The following MYLK variants were observed in gnomAD, a reference collection of about 807,000 sequenced individuals.
MYLK encodes the protein myosin light chain kinase.
In MYLK, 106 loss-of-function variants were observed where a neutral mutation model predicts 203.4. The observed-to-expected ratio is 0.52, with a 90% confidence interval of 0.45 to 0.61. MYLK has a LOEUF of 0.61. MYLK is among the 20% of genes least tolerant of loss of function. The pLI, the probability that MYLK is intolerant of heterozygous loss-of-function variation, is 0.00. For synonymous variants in MYLK, 867 were observed against 959.5 expected, an observed-to-expected ratio of 0.90 and a Z score of 1.78; for missense variants, 2,072 against 2,442.3, an observed-to-expected ratio of 0.85 and a Z score of 3.20.
intron 4 of MYLK, among the ~76,000 whole-genome samples, chr3:123,770,468 A>G (rs551063320): frequency 1.5e-4 from 23 of 152,336 alleles, no homozygotes; most frequent in African/African-American, 5.1e-4. Flanking sequence ...TTTAAACATT[A>G]TTTAACCTTA....
rs544004617 is a variant in MYLK at position 123,751,979 on chromosome 3, T to C, written c.373+352A>G. On this transcript the variant is annotated intron_variant, in intron 5 of 33. Transcript: ENST00000360304. ...GTGTGACCACGGTGGGCTGAACAGGTGCAGAGTGGCAGAAGATGGGTCTGA... is the reference window on the plus strand; with the variant it reads ...GTGTGACCACGGTGGGCTGAACAGGCGCAGAGTGGCAGAAGATGGGTCTGA... Among the ~76,000 whole-genome samples the C allele has an allele frequency of 1.2e-4, 18 of 151,802 alleles. No individual in the cohort carries two copies. The South Asian group carries it at 3.5e-3, about 30-fold the overall frequency.
chr3:123,623,934 TAA>T (rs2058003694), intron 31 of MYLK: 1 of 152,192 alleles, frequency 6.6e-6, no homozygotes, highest in Admixed American at 6.5e-5. Flanking sequence ...CCATCTATAC[TAA>T]AATATAAAAT....
intron 20 of MYLK, among the ~76,000 whole-genome samples, chr3:123,669,913 T>C (rs1214572450): frequency 6.6e-6 from 1 of 150,834 alleles, no homozygotes; most frequent in Non-Finnish European, 1.5e-5. Context: ...TGTGCGCCTG[T>C]AATCCCAGCT....
At chr3:123,709,940 T>G in intron 13 of MYLK, 47 bp from the exon 14 acceptor site, 1 of 1,611,222 alleles carries the variant, frequency 6.2e-7, no homozygotes, top group Non-Finnish European at 8.5e-7. Flanking sequence ...ATGCATTCAT[T>G]CAACAAACAC....
At chr3:123,796,835 A>AC (rs2065004707) in intron 3 of MYLK, among the ~76,000 whole-genome samples, 1 of 152,242 alleles carries the variant, frequency 6.6e-6, no homozygotes, top group East Asian at 1.9e-4. Context: ...AAACTGGTGT[A>AC]GTCTTTCTGG....
intron 16 of MYLK, among the ~76,000 whole-genome samples, chr3:123,704,942 G>A (rs2061402874): frequency 6.6e-6 from 1 of 151,970 alleles, no homozygotes; most frequent in South Asian, 2.1e-4. Flanking sequence ...AAATAAAAAA[G>A]AACTAATTTC....
Position 123,629,500 on chromosome 3 carries a change from G to A in MYLK, c.5088C>T (p.Ile1696=). 1 of 1,614,186 alleles carries A rather than the reference G, an allele frequency of 6.2e-7. No individual in the cohort carries two copies. Among genetic ancestry groups the A allele is most frequent in the Non-Finnish European group, 8.5e-7 (1 of 1,180,038 alleles). The part of the protein sequence containing the change: ...DEISDDAKDF[I]SNLLKKDMKN... ...TCATATCTTTCTTCAGCAGATTGCT[G>A]ATGAAATCCTTGGCATCGTCGGAGA... is the stretch of plus-strand genomic sequence containing the variant. The change falls in exon 30 of 34, where the codon ATC becomes ATT. Residue 1696 remains isoleucine, a synonymous_variant. Coordinates refer to ENST00000360304, the MANE Select transcript of MYLK (RefSeq NM_053025.4). This position sits in a 1 kb window ranked among gnomAD's most constrained non-coding sequence, Gnocchi z 4.4.
chr3:123,879,054 A>T (rs112006663), intron 1 of MYLK, among the ~76,000 whole-genome samples: 152 of 152,302 alleles, frequency 1.0e-3, no homozygotes, highest in African/African-American at 3.4e-3. Flanking sequence ...CCTGACCCTT[A>T]GTCCTAACAC....
At chr3:123,856,842 C>G (rs1370291224) in intron 2 of MYLK, among the ~76,000 whole-genome samples, 1 of 151,964 alleles carries the variant, frequency 6.6e-6, no homozygotes, top group Non-Finnish European at 1.5e-5. Context: ...AAGAAACTAC[C>G]ATCAGAGTGA....
intron 19 of MYLK, among the ~76,000 whole-genome samples, chr3:123,683,944 C>T (rs776289976): frequency 3.3e-5 from 5 of 152,194 alleles, no homozygotes; most frequent in Non-Finnish European, 7.3e-5. Context: ...CCAGATGGCA[C>T]ATCAGGGGTC....
At chr3:123,723,757 T>C (rs559834930) in intron 12 of MYLK, among the ~76,000 whole-genome samples, 4 of 152,308 alleles carry the variant, frequency 2.6e-5, no homozygotes, top group South Asian at 2.1e-4. Context: ...TCTAGTGGAA[T>C]GGGTGTGGAA....
chr3:123,823,620 T>C (rs2109310297), intron 3 of MYLK, among the ~76,000 whole-genome samples: 1 of 152,312 alleles, frequency 6.6e-6, no homozygotes, highest in Middle Eastern at 3.4e-3. Flanking sequence ...CAGTCTCCTA[T>C]GTGCCTCCCT....
chr3:123,835,357 T>C (rs1233468017), intron 2 of MYLK, among the ~76,000 whole-genome samples: 1 of 152,120 alleles, frequency 6.6e-6, no homozygotes, highest in African/African-American at 2.4e-5. Flanking sequence ...GCTTCATCCC[T>C]GTGTAGAGTT....
At position 123,787,644 on chromosome 3, in the gene MYLK, C is replaced by G. The variant is rs561137664; in HGVS notation, c.165+6033G>C. 3.2e-4 allele frequency among the ~76,000 whole-genome samples: 49 copies of G among 152,306 alleles called. 1 individual carries two copies. In the South Asian group the frequency reaches 0.01, roughly 32 times the overall value. On this transcript the variant is annotated intron_variant, in intron 4 of 33. Coordinates refer to ENST00000360304, the MANE Select transcript of MYLK (RefSeq NM_053025.4). ...AACATGAGACTTAGGTCTATTAAAA[C>G]TGGCTCCATCACTTACTGGTGTAAA...
chr3:123,634,561 T>C (rs1370541984), intron 29 of MYLK, among the ~76,000 whole-genome samples: 2 of 152,072 alleles, frequency 1.3e-5, no homozygotes, highest in Non-Finnish European at 2.9e-5. Context: ...ACGGTGGGTG[T>C]TGGACAAACA....
chr3:123,845,398 A>T (rs956987906), intron 2 of MYLK, among the ~76,000 whole-genome samples: 2 of 152,234 alleles, frequency 1.3e-5, no homozygotes, highest in Admixed American at 6.5e-5. Flanking sequence ...ATTTACCGCA[A>T]GGACATGTCA....
chr3:123,775,994 C>T (rs566533381), intron 4 of MYLK, among the ~76,000 whole-genome samples: 355 of 152,312 alleles, frequency 2.3e-3, no homozygotes, highest in Non-Finnish European at 4.0e-3. Flanking sequence ...TCTGAGTCTG[C>T]TTGCTGTTCT....
intron 22 of MYLK, among the ~76,000 whole-genome samples, chr3:123,665,780 A>G (rs530596354): frequency 8.5e-5 from 13 of 152,204 alleles, no homozygotes; most frequent in South Asian, 2.1e-4. Flanking sequence ...AAATACTCAC[A>G]TTTGCTTTTG....
chr3:123,874,830 T>TTA (rs1373942336), intron 2 of MYLK, among the ~76,000 whole-genome samples: 1 of 152,154 alleles, frequency 6.6e-6, no homozygotes, highest in Non-Finnish European at 1.5e-5. Context: ...GGCAAAAGAC[T>TTA]TAAACAGATA....
Sources: gnomAD v4.1 joint callset for allele counts (sites outside exome capture counted in the v4.1 genomes callset) on GRCh38, gnomAD v4.1.1 for gene constraint, Gnocchi (gnomAD v3.1) non-coding constraint, MANE v1.5 for transcripts, NCBI Gene and HGNC (gene_info 2026-07-23, HGNC 2026-07-21) for gene names.